Variants in PDE7B observed in about 807,000 individuals in gnomAD.
PDE7B encodes phosphodiesterase 7B, also known as 3',5'-cyclic-AMP phosphodiesterase 7B.
In PDE7B, 29 loss-of-function variants were observed where a neutral mutation model predicts 56.2. That is an observed-to-expected ratio of 0.52 (90% CI 0.38 to 0.70). PDE7B has a LOEUF of 0.70. Among genes scored for constraint, PDE7B ranks in the 30% least tolerant of loss-of-function variants. PDE7B has a pLI of 0.00. For synonymous variants in PDE7B, 197 were observed against 196.9 expected (o/e 1.00, Z 0.00); for missense variants, 490 against 565.0 (o/e 0.87, Z 1.35).
chr6:135,965,361 A>G (rs1368727532), intron 2 of PDE7B, among the ~76,000 whole-genome samples: 2 of 152,162 alleles, frequency 1.3e-5, no homozygotes, highest in African/African-American at 4.8e-5. Flanking sequence ...AAGGCACAGC[A>G]CCTGCCAAAG....
intron 2 of PDE7B, chr6:136,038,422 A>G (rs762786778): frequency 1.5e-6 from 2 of 1,290,774 alleles, no homozygotes; most frequent in South Asian, 1.2e-5. Context: ...GGGACTTGCC[A>G]GAGATGATCA....
At chr6:135,925,751 C>T (rs555533433) in intron 1 of PDE7B, among the ~76,000 whole-genome samples, 4 of 152,320 alleles carry the variant, frequency 2.6e-5, no homozygotes, top group South Asian at 2.1e-4. Flanking sequence ...ACAGCTTATG[C>T]TCTCCTATGC....
At chr6:136,014,313 C>T (rs1775940200) in intron 2 of PDE7B, among the ~76,000 whole-genome samples, 1 of 152,102 alleles carries the variant, frequency 6.6e-6, no homozygotes, top group African/African-American at 2.4e-5. Context: ...ATATAATTTT[C>T]TAAGTTTTTC....
At chr6:135,937,569 T>A (rs1020086498) in intron 1 of PDE7B, among the ~76,000 whole-genome samples, 4 of 152,208 alleles carry the variant, frequency 2.6e-5, no homozygotes, top group African/African-American at 9.7e-5. Flanking sequence ...AATACTAGTT[T>A]CTCTCTCCCC....
intron 2 of PDE7B, among the ~76,000 whole-genome samples, chr6:136,101,422 A>G (rs1002028154): frequency 6.6e-6 from 1 of 152,114 alleles, no homozygotes; most frequent in Non-Finnish European, 1.5e-5. Context: ...TAGGCTATTC[A>G]TTATTGCCTC....
chr6:136,165,431 C>T (rs1778777400), intron 8 of PDE7B: 1 of 152,114 alleles, frequency 6.6e-6, no homozygotes, highest in Admixed American at 6.5e-5. Context: ...TTAGCTCTTT[C>T]AGGATGACAT....
intron 1 of PDE7B, among the ~76,000 whole-genome samples, chr6:135,930,643 A>G (rs1448592532): frequency 6.6e-6 from 1 of 152,158 alleles, no homozygotes; most frequent in African/African-American, 2.4e-5. Flanking sequence ...TTTGGAGGGA[A>G]GTGGAGGAGG....
chr6:136,018,695 T>A (rs1462155598), intron 2 of PDE7B, among the ~76,000 whole-genome samples: 1 of 152,168 alleles, frequency 6.6e-6, no homozygotes, highest in African/African-American at 2.4e-5. Flanking sequence ...TTAAATATAT[T>A]TATTTCCACA....
chr6:136,125,374 G>A (rs913902407), intron 3 of PDE7B, among the ~76,000 whole-genome samples: 1 of 152,100 alleles, frequency 6.6e-6, no homozygotes, highest in African/African-American at 2.4e-5. Flanking sequence ...AGGAGTTTGA[G>A]ATCAGCCTGG....
intron 2 of PDE7B, among the ~76,000 whole-genome samples, chr6:136,016,053 G>T (rs778353106): frequency 1.6e-4 from 25 of 152,242 alleles, no homozygotes; most frequent in Non-Finnish European, 1.8e-4. Context: ...GAATTAACTA[G>T]ATTGTTAATG....
intron 1 of PDE7B, among the ~76,000 whole-genome samples, chr6:135,923,986 T>A (rs897966750): frequency 6.6e-6 from 1 of 152,174 alleles, no homozygotes; most frequent in African/African-American, 2.4e-5. Flanking sequence ...CTAAGAAATC[T>A]AATGAAAGCA....
intron 1 of PDE7B, among the ~76,000 whole-genome samples, chr6:135,933,912 A>G (rs1774341916): frequency 6.6e-6 from 1 of 152,140 alleles, no homozygotes; most frequent in African/African-American, 2.4e-5. Flanking sequence ...ATCTAAGAGG[A>G]CCAAATATGC....
intron 2 of PDE7B, chr6:136,038,076 T>G: frequency 7.5e-7 from 1 of 1,337,720 alleles, no homozygotes; most frequent in Non-Finnish European, 9.9e-7. Context: ...GTGGAGGGCC[T>G]GAAGAGACAG....
At chr6:136,112,479 C>T (rs1052946289) in intron 3 of PDE7B, 1 of 152,264 alleles carries the variant, frequency 6.6e-6, no homozygotes, top group Non-Finnish European at 1.5e-5. Context: ...CCCCACAAAC[C>T]CCAAAATACT....
Position 136,127,351 on chromosome 6 carries a change from A to G in PDE7B, c.166+18537A>G, listed in dbSNP as rs182328525. Among the ~76,000 whole-genome samples the G allele has an allele frequency of 3.5e-4, 54 of 152,250 alleles. 2 individuals are homozygous for G. Among genetic ancestry groups the G allele is most frequent in the African/African-American group, 1.3e-3 (53 of 41,532 alleles). ...TCCCACATTGAACTCATAAATCCCA[A>G]TAGCACTCAAGGATTTATTTTTATT... On this transcript the variant is annotated intron_variant, in intron 3 of 12. Transcript: ENST00000308191.
chr6:135,978,049 G>T (rs756732922), intron 2 of PDE7B, among the ~76,000 whole-genome samples: 33 of 151,990 alleles, frequency 2.2e-4, no homozygotes, highest in African/African-American at 7.7e-4. Context: ...TTAACTGTGC[G>T]GATACATTCT....
At chr6:136,104,532 C>T (rs1777616179) in intron 2 of PDE7B, among the ~76,000 whole-genome samples, 1 of 152,186 alleles carries the variant, frequency 6.6e-6, no homozygotes, top group Non-Finnish European at 1.5e-5. Context: ...TTAATTCTCT[C>T]TTCCCACCAG....
chr6:136,039,241 C>T (rs1296882270), intron 2 of PDE7B, among the ~76,000 whole-genome samples: 1 of 152,070 alleles, frequency 6.6e-6, no homozygotes, highest in Non-Finnish European at 1.5e-5. Flanking sequence ...CCAAGACACC[C>T]AGCATGCCTG....
intron 1 of PDE7B, among the ~76,000 whole-genome samples, chr6:135,857,022 T>TTTCCTCCC (rs202208067): frequency 0.024 from 2,785 of 114,886 alleles, 130 homozygotes; most frequent in African/African-American, 0.094. Flanking sequence ...TCTTACTCCT[T>TTTCCTCCC]TTCCTCCCTC....
Sources: gnomAD v4.1 joint callset for allele counts (sites outside exome capture counted in the v4.1 genomes callset) on GRCh38, gnomAD v4.1.1 for gene constraint, MANE v1.5 for transcripts, NCBI Gene and HGNC (gene_info 2026-07-23, HGNC 2026-07-21) for gene names.